The following ZNF280C variants were observed in gnomAD, a reference collection of about 807,000 sequenced individuals.
ZNF280C encodes zinc finger protein 280C, also known as suppressor of hairy wing homolog 3.
A neutral mutation model predicts 53.6 loss-of-function variants in ZNF280C; 14 were observed. That is an observed-to-expected ratio of 0.26 (90% CI 0.17 to 0.41). The LOEUF is 0.41. ZNF280C is among the 10% of genes least tolerant of loss of function. The pLI is 1.00. For missense variants in ZNF280C, 416 were observed against 547.1 expected, an observed-to-expected ratio of 0.76 and a Z score of 2.39; for synonymous variants, 203 against 181.1, an observed-to-expected ratio of 1.12 and a Z score of -0.97.
At chrX:130,219,617 A>T (rs1270234118) in intron 13 of ZNF280C, among the ~76,000 whole-genome samples, 1 of 110,993 alleles carries the variant, frequency 9.0e-6, no homozygotes, top group Non-Finnish European at 1.9e-5. Context: ...TCCAGGAGCA[A>T]AACTTGCTTC....
intron 8 of ZNF280C, among the ~76,000 whole-genome samples, chrX:130,232,554 C>T (rs983145457): frequency 9.0e-6 from 1 of 111,125 alleles, no homozygotes; most frequent in African/African-American, 3.3e-5. Flanking sequence ...AGACAAAAGA[C>T]GACTTATGAG....
chrX:130,226,962 C>T (rs2032227211), intron 11 of ZNF280C, 57 bp from the exon 12 acceptor site: 3 of 1,081,928 alleles, frequency 2.8e-6, no homozygotes, highest in South Asian at 2.2e-5. Flanking sequence ...CTTGCAATTA[C>T]AATCAAAGTA....
At chrX:130,267,495 A>C (rs1157331466) in intron 1 of ZNF280C, among the ~76,000 whole-genome samples, 1 of 111,584 alleles carries the variant, frequency 9.0e-6, no homozygotes, top group African/African-American at 3.3e-5. Context: ...ACCTCGGTAA[A>C]GTTCTGTCCT....
Position 130,268,779 on chromosome X carries a change from G to A in ZNF280C, c.-34C>T, listed in dbSNP as rs1227833986. 8.9e-6 allele frequency: 1 copy of A among 112,045 alleles called. No homozygotes were observed. Among genetic ancestry groups the A allele is most frequent in the Non-Finnish European group, 1.9e-5 (1 of 53,051 alleles). The allele number at this position is 112,045 out of a possible 1,213,427, so 9.2% of individuals were successfully genotyped here. The stretch of plus-strand genomic sequence containing the variant: ...CCGCTTACCGAGAGCAGAGCAGATC[G>A]GTCTGACTGGGGTTCGGATAAGGAG... On this transcript the variant is annotated 5_prime_UTR_variant, in exon 1 of 19. Coordinates refer to ENST00000370978, the MANE Select transcript of ZNF280C (RefSeq NM_017666.5).
chrX:130,211,233 G>C (rs1337662941), intron 15 of ZNF280C, among the ~76,000 whole-genome samples: 1 of 112,622 alleles, frequency 8.9e-6, no homozygotes, highest in Non-Finnish European at 1.9e-5. Flanking sequence ...CAGAAGAGCA[G>C]AATGTTACGG....
At chrX:130,228,710 A>C (rs1365603811) in intron 10 of ZNF280C, among the ~76,000 whole-genome samples, 2 of 96,845 alleles carry the variant, frequency 2.1e-5, no homozygotes, top group African/African-American at 7.9e-5. Flanking sequence ...AATTGATCAT[A>C]GCATTCTATA....
chrX:130,261,129 C>A (rs1221815565), intron 1 of ZNF280C, among the ~76,000 whole-genome samples: 1 of 111,621 alleles, frequency 9.0e-6, no homozygotes, highest in African/African-American at 3.3e-5. Flanking sequence ...GGGTAGTATG[C>A]CAAGTTCTAG....
At chrX:130,257,449 A>G (rs1276963165) in intron 2 of ZNF280C, among the ~76,000 whole-genome samples, 1 of 111,634 alleles carries the variant, frequency 9.0e-6, no homozygotes. Context: ...GCTTAAAAGG[A>G]AGAAAAAGCT....
intron 5 of ZNF280C, among the ~76,000 whole-genome samples, chrX:130,242,845 A>T (rs957168759): frequency 9.1e-6 from 1 of 110,429 alleles, no homozygotes; most frequent in Non-Finnish European, 1.9e-5. Context: ...CCCAGCCTTT[A>T]TTTTTTTTAT....
rs889879032 is a variant in ZNF280C at position 130,203,885 on chromosome X, A to C, written c.*1092T>G. The C allele has an allele frequency of 6.3e-5, 7 of 111,234 alleles. No homozygotes were observed. The highest frequency in any genetic ancestry group is 2.3e-4 in the African/African-American group (7 of 30,612). The allele number at this position is 111,234 out of a possible 1,213,427, so 9.2% of individuals were successfully genotyped here. A position where few individuals can be genotyped will look rare whatever the true frequency, so the allele number is the denominator to read the frequency against. On this transcript the variant is annotated 3_prime_UTR_variant, in exon 19 of 19. Transcript: ENST00000370978. ...GAGGAAGATTAAAGAACAGCAGCCA[A>C]AATGGCTAAACGTCAGCCTGGATGT...
At chrX:130,208,513 TAC>T (rs956458940) in intron 16 of ZNF280C, among the ~76,000 whole-genome samples, 12 of 111,587 alleles carry the variant, frequency 1.1e-4, no homozygotes, top group Admixed American at 1.9e-4. Flanking sequence ...TTTCAAATCA[TAC>T]AGTTAATTTA....
chrX:130,248,121 A>G (rs1443223065), intron 2 of ZNF280C, among the ~76,000 whole-genome samples: 2 of 97,803 alleles, frequency 2.0e-5, no homozygotes, highest in African/African-American at 7.6e-5. Context: ...GCAGGATGGC[A>G]AACTAGATAC....
At chrX:130,226,685 C>T in intron 12 of ZNF280C, 74 bp downstream of exon 12, 2 of 985,990 alleles carry the variant, frequency 2.0e-6, no homozygotes, top group Admixed American at 6.1e-5. Flanking sequence ...ATAGATGTAG[C>T]TATAGATCTA....
rs1408059280 is a variant in ZNF280C, at chrX:130,215,975, G to A, written c.1654C>T (p.Pro552Ser). 2.9e-5 allele frequency: 35 copies of A among 1,209,488 alleles called. No individual in the cohort carries two copies. The highest frequency in any genetic ancestry group is 3.8e-5 in the Non-Finnish European group (34 of 895,067). Residue 552 changes from proline (P) to serine (S), a missense_variant, in exon 14 of 19, where the codon CCT becomes TCT. This residue lies in a region of ZNF280C where 151 missense variants were observed against 176.9 expected (regional missense o/e 0.85). Coordinates refer to ENST00000370978, the MANE Select transcript of ZNF280C (RefSeq NM_017666.5). ...PTSQNTTARN[P>S]RKSNASRSKT... is the part of the protein sequence containing the mutation. ...GATCTACTGGCATTAGATTTTCTAG[G>A]ATTTCTAGCAGTTGTATTTTGAGAT...
At chrX:130,205,213 T>C in intron 17 of ZNF280C, 60 bp from the exon 18 acceptor site, 1 of 1,109,087 alleles carries the variant, frequency 9.0e-7, no homozygotes, top group Non-Finnish European at 1.2e-6. Context: ...ACTATCAATT[T>C]AATACATGGG....
intron 17 of ZNF280C, 69 bp downstream of exon 17, chrX:130,205,228 T>C (rs2062440746): frequency 3.6e-6 from 4 of 1,098,368 alleles, no homozygotes; most frequent in Middle Eastern, 2.5e-4. Context: ...CATGGGTCCA[T>C]ATGGTGTCCG....
intron 6 of ZNF280C, 26 bp from the exon 7 acceptor site, chrX:130,236,665 G>A: frequency 9.5e-7 from 1 of 1,048,945 alleles, no homozygotes; most frequent in Non-Finnish European, 1.3e-6. Flanking sequence ...TAGTGAGAAA[G>A]ATATTTGTAA....
Position 130,246,937 on chromosome X carries a change from C to T in ZNF280C, c.100G>A (p.Val34Ile). The change falls in exon 3 of 19, where the codon GTA (valine) becomes ATA (isoleucine). Residue 34 changes from valine (V) to isoleucine (I), a missense_variant. Transcript: ENST00000370978. Reference sequence around the variant, plus strand: ...TCATCCTCATCCTGAGTTTCTTCTACTTTCTTCTGCCATGGCTCTAGCTCT... The same window carrying T: ...TCATCCTCATCCTGAGTTTCTTCTATTTTCTTCTGCCATGGCTCTAGCTCT... ...EEELEPWQKK[V>I]EETQDEDDDE... is the part of the protein sequence containing the mutation. 8.3e-7 allele frequency: 1 copy of T among 1,211,319 alleles called. No homozygotes were observed. The highest frequency in any genetic ancestry group is 1.7e-5 in the African/African-American group (1 of 57,938).
intron 2 of ZNF280C, among the ~76,000 whole-genome samples, chrX:130,251,306 A>AAAAAAAAAAAAT (rs1569439584): frequency 9.7e-6 from 1 of 103,609 alleles, no homozygotes; most frequent in Non-Finnish European, 2.0e-5. Flanking sequence ...AAAAAAAAAA[A>AAAAAAAAAAAAT]AGACCAGCAA....
Sources: allele counts gnomAD v4.1 joint callset (sites outside exome capture counted in the v4.1 genomes callset), GRCh38; gene constraint gnomAD v4.1.1; regional missense constraint gnomAD v4.1.1; transcripts MANE v1.5; gene names NCBI Gene and HGNC (gene_info 2026-07-23, HGNC 2026-07-21).